FGD6: variants seen among roughly 807,000 people sequenced by gnomAD.
FGD6 encodes the protein FYVE, RhoGEF and PH domain containing 6.
Under a neutral mutation model 149.4 loss-of-function variants are expected in FGD6, and 90 were observed. The ratio of observed to expected loss-of-function variants is 0.60; its 90% CI spans 0.51 to 0.72. The LOEUF is 0.72. Among genes scored for constraint, FGD6 ranks in the 30% least tolerant of loss-of-function variants. The pLI is 0.00. For synonymous variants in FGD6, 527 were observed against 584.0 expected (o/e 0.90, Z 1.41); for missense variants, 1,437 against 1,684.8 (o/e 0.85, Z 2.57).
chr12:95,082,339 G>T (rs1487226411), intron 20 of FGD6, among the ~76,000 whole-genome samples: 4 of 151,938 alleles, frequency 2.6e-5, no homozygotes, highest in Non-Finnish European at 4.4e-5. Flanking sequence ...GGCATCTAGT[G>T]TTGATCAAAA....
chr12:95,100,561 G>C (rs960558126), intron 14 of FGD6: 84 of 314,010 alleles, frequency 2.7e-4, no homozygotes, highest in Non-Finnish European at 4.5e-4. Flanking sequence ...TCGCACTGTT[G>C]GCTGTATCTG....
At chr12:95,162,754 T>C (rs1880684519) in intron 3 of FGD6, among the ~76,000 whole-genome samples, 1 of 152,166 alleles carries the variant, frequency 6.6e-6, no homozygotes, top group South Asian at 2.1e-4. Context: ...ATCCATCAGC[T>C]ACTCCTATAC....
chr12:95,147,721 T>G (rs1479333651), intron 5 of FGD6, among the ~76,000 whole-genome samples: 1 of 152,192 alleles, frequency 6.6e-6, no homozygotes, highest in Non-Finnish European at 1.5e-5. Flanking sequence ...GACAGTTAGC[T>G]TACTTTCTTC....
At chr12:95,100,831 G>C (rs961608285) in intron 14 of FGD6, 1 of 398,214 alleles carries the variant, frequency 2.5e-6, no homozygotes, top group East Asian at 6.6e-5. Context: ...TCAGGACCTT[G>C]CCGTCTTGTT....
intron 3 of FGD6, among the ~76,000 whole-genome samples, chr12:95,162,539 GAATAAATAAATA>G (rs759263797): frequency 6.6e-6 from 1 of 151,970 alleles, no homozygotes; most frequent in Non-Finnish European, 1.5e-5. Context: ...AAAATTGAAT[GAATAAATAAATA>G]AATAGCCCCA....
chr12:95,194,884 T>C (rs528382506), intron 2 of FGD6, among the ~76,000 whole-genome samples: 1 of 152,144 alleles, frequency 6.6e-6, no homozygotes, highest in South Asian at 2.1e-4. Context: ...CTTTGCCACA[T>C]GTGAATCTAC....
intron 9 of FGD6, among the ~76,000 whole-genome samples, 181 bp from the exon 10 acceptor site, chr12:95,108,742 A>G (rs1878715310): frequency 6.6e-6 from 1 of 152,170 alleles, no homozygotes; most frequent in Non-Finnish European, 1.5e-5. Context: ...AACCAAACCA[A>G]ACAACACCAC....
rs537232994 is a variant in FGD6 at position 95,142,456 on chromosome 12, T to C, written c.2686-917A>G. Among the ~76,000 whole-genome samples, 6 of 152,248 alleles carry C rather than the reference T, an allele frequency of 3.9e-5. No individual in the cohort carries two copies. The East Asian group carries it at 1.2e-3, about 29-fold the overall frequency. The stretch of plus-strand genomic sequence containing the variant: ...CTGCACCCAGCCCATTTTTCTATTT[T>C]TTGTAGAGACAAGGTTTCACCTTGT... On this transcript the variant is annotated intron_variant, in intron 5 of 20. Coordinates refer to ENST00000343958, the MANE Select transcript of FGD6 (RefSeq NM_018351.4).
Position 95,143,282 on chromosome 12 carries a change from TG to T in FGD6, c.2686-1744del, listed in dbSNP as rs1225188778. ...ACATACATATATTAACCATGAGGTTTGTTTTTTTTTGTTTTTTTTTTTTTTA... is the reference window on the plus strand; with the variant it reads ...ACATACATATATTAACCATGAGGTTTTTTTTTTTTGTTTTTTTTTTTTTTA... On this transcript the variant is annotated intron_variant, in intron 5 of 20. Transcript: ENST00000343958. Among the ~76,000 whole-genome samples the T allele has an allele frequency of 3.3e-4, 21 of 62,774 alleles. No homozygotes were observed. The East Asian group carries it at 3.5e-3, about 10-fold the overall frequency. 41.2% of individuals were successfully genotyped at this position (62,774 alleles called of 152,430 possible).
intron 2 of FGD6, among the ~76,000 whole-genome samples, chr12:95,180,270 G>A (rs1025911881): frequency 1.3e-5 from 2 of 151,930 alleles, no homozygotes; most frequent in Non-Finnish European, 2.9e-5. Flanking sequence ...GCACAAACAT[G>A]CTGACATATA....
chr12:95,142,755 C>G (rs1879890486), intron 5 of FGD6, among the ~76,000 whole-genome samples: 1 of 152,206 alleles, frequency 6.6e-6, no homozygotes, highest in African/African-American at 2.4e-5. Flanking sequence ...CAGAATGAAA[C>G]ATTTTAACTC....
rs1417702615 is a variant in FGD6, at chr12:95,094,621, T to A, written c.3571A>T (p.Thr1191Ser). 1 of 1,611,760 alleles carries A rather than the reference T, an allele frequency of 6.2e-7. No individual in the cohort carries two copies. Among genetic ancestry groups the A allele is most frequent in the Non-Finnish European group, 8.5e-7 (1 of 1,179,170 alleles). ...TCAAGACTCCTACTAGGACAGAAGG[T>A]GATTCTTTTCTTGGCATACTCTTCT... ...AIEEYAKKRI[T>S]FCPSRSLDEA... The change falls in exon 15 of 21, where the codon ACC (threonine) becomes TCC (serine). Residue 1191 changes from threonine to serine, a missense_variant. Around this residue, in one of 2 missense-constraint regions of FGD6, gnomAD observed 382 missense variants for 538.7 expected, o/e 0.71. Transcript: ENST00000343958.
chr12:95,172,046 G>GCGGGGT, intron 3 of FGD6, among the ~76,000 whole-genome samples: 1 of 136,418 alleles, frequency 7.3e-6, no homozygotes, highest in African/African-American at 2.7e-5. Flanking sequence ...GGGGGGGGGG[G>GCGGGGT]TTGTTATCAA....
intron 1 of FGD6, among the ~76,000 whole-genome samples, chr12:95,213,460 T>A (rs1183544194): frequency 6.6e-6 from 1 of 152,172 alleles, no homozygotes; most frequent in South Asian, 2.1e-4. Context: ...TTCTTGAGAT[T>A]GGATGTACCA....
At chr12:95,133,102 A>G (rs1879570124) in intron 8 of FGD6, among the ~76,000 whole-genome samples, 1 of 152,236 alleles carries the variant, frequency 6.6e-6, no homozygotes, top group Non-Finnish European at 1.5e-5. Context: ...ACAGAAACCT[A>G]GTGCCTGATT....
At position 95,112,013 on chromosome 12, in the gene FGD6, C is replaced by T. The variant is rs141523756; in HGVS notation, c.3133+1638G>A. On this transcript the variant is annotated intron_variant, in intron 9 of 20. Transcript: ENST00000343958. ...CTTTGGGAGACTGAGGCAGGTGGAT[C>T]GCTTGAGCTCAGGAGTTCGAGACCA... Among the ~76,000 whole-genome samples, 982 of 152,010 alleles carry T rather than the reference C, an allele frequency of 6.5e-3. 16 individuals are homozygous for T. The highest frequency in any genetic ancestry group is 0.021 in the African/African-American group (874 of 41,446).
intron 20 of FGD6, among the ~76,000 whole-genome samples, chr12:95,084,276 C>A (rs1367681045): frequency 1.3e-5 from 2 of 152,140 alleles, no homozygotes; most frequent in African/African-American, 2.4e-5. Flanking sequence ...TATAGGACTA[C>A]CTATTTTCTT....
At chr12:95,188,801 C>CTT (rs35319794) in intron 2 of FGD6, among the ~76,000 whole-genome samples, 27 of 146,788 alleles carry the variant, frequency 1.8e-4, no homozygotes, top group Middle Eastern at 3.6e-3. Context: ...TTAAAAACAA[C>CTT]TTTTTTTTTT....
chr12:95,091,866 A>C (rs1166053708), intron 16 of FGD6, 57 bp from the exon 17 acceptor site: 3 of 1,321,476 alleles, frequency 2.3e-6, no homozygotes, highest in Non-Finnish European at 3.2e-6. Flanking sequence ...GTGTTTCTAC[A>C]CCATAAAGTA....
Sources: allele counts gnomAD v4.1 joint callset (sites outside exome capture counted in the v4.1 genomes callset), GRCh38; gene constraint gnomAD v4.1.1; regional missense constraint gnomAD v4.1.1; transcripts MANE v1.5; gene names NCBI Gene and HGNC (gene_info 2026-07-23, HGNC 2026-07-21).